GPALPP1: variants seen among roughly 807,000 people sequenced by gnomAD.
The protein encoded by GPALPP1 is GPALPP motifs-containing protein 1.
GPALPP1 carries 30 observed loss-of-function variants against 38.9 expected under a neutral mutation model. That is an observed-to-expected ratio of 0.77 (90% CI 0.58 to 1.05). The LOEUF (loss-of-function observed/expected upper bound fraction) is 1.05. Ranked by LOEUF, GPALPP1 falls within the 50% of genes least tolerant of loss-of-function variation. The pLI is 0.00. For missense variants in GPALPP1, 384 were observed against 408.8 expected, an observed-to-expected ratio of 0.94 and a Z score of 0.52; for synonymous variants, 120 against 139.2, an observed-to-expected ratio of 0.86 and a Z score of 0.97.
intron 4 of GPALPP1, among the ~76,000 whole-genome samples, chr13:45,011,431 C>T (rs1295036134): frequency 6.6e-6 from 1 of 152,148 alleles, no homozygotes; most frequent in Non-Finnish European, 1.5e-5. Flanking sequence ...AATTGACTCA[C>T]AGTTTAGCAT....
At chr13:44,997,145 C>T (rs1873354168) in intron 1 of GPALPP1, among the ~76,000 whole-genome samples, 4 of 146,066 alleles carry the variant, frequency 2.7e-5, no homozygotes, top group Admixed American at 1.4e-4. Context: ...CCTTAAGTTT[C>T]ATCCATGTGG....
chr13:45,025,387 A>T (rs1208656387), intron 7 of GPALPP1, among the ~76,000 whole-genome samples: 1 of 152,132 alleles, frequency 6.6e-6, no homozygotes. Flanking sequence ...TTTTTTCCAC[A>T]TTGATCTTAT....
rs1428749937 is a variant in GPALPP1, at chr13:44,990,081, C to T, written c.88+339C>T. On this transcript the variant is annotated intron_variant, in intron 1 of 7. Coordinates refer to ENST00000379151, the MANE Select transcript of GPALPP1 (RefSeq NM_018559.5). ...TTCCCATGTTGCAAATGGGTACGCC[C>T]AAGCCCATGCCAGTGTCTAGATCAT... 1.4e-5 allele frequency: 7 copies of T among 505,072 alleles called. No individual in the cohort carries two copies. In the South Asian group the frequency reaches 1.7e-4, roughly 12 times the overall value. 31.3% of individuals were successfully genotyped at this position (505,072 alleles called of 1,614,324 possible). A position where few individuals can be genotyped will look rare whatever the true frequency, so the allele number is the denominator to read the frequency against.
chr13:45,016,769 C>T (rs2137994532), intron 6 of GPALPP1, among the ~76,000 whole-genome samples: 1 of 152,248 alleles, frequency 6.6e-6, no homozygotes, highest in East Asian at 1.9e-4. Context: ...CCTGCCTCAG[C>T]CTCCTGAGGA....
intron 7 of GPALPP1, among the ~76,000 whole-genome samples, chr13:45,021,373 G>A (rs1338201262): frequency 1.3e-5 from 2 of 152,176 alleles, no homozygotes; most frequent in Non-Finnish European, 2.9e-5. Context: ...GCCACTTGAA[G>A]TATTTATGAA....
At chr13:44,994,474 C>T (rs1376319656) in intron 1 of GPALPP1, among the ~76,000 whole-genome samples, 4 of 150,792 alleles carry the variant, frequency 2.7e-5, no homozygotes, top group South Asian at 2.1e-4. Flanking sequence ...CCCAGCTACT[C>T]GGGAGGCTGA....
In GPALPP1 at chr13:45,014,999, A is replaced by C. The variant is rs1398206507; in HGVS notation, c.456A>C (p.Ala152=). ...AGGATATTATTGGACCAATGCCTGC[A>C]AAAGGACCAGTTAACTATAATGTAA... The part of the protein sequence containing the change: ...EDEDIIGPMP[A]KGPVNYNVTT... The change falls in exon 5 of 8, where the codon GCA becomes GCC. Residue 152 remains alanine (A), a synonymous_variant. Transcript: ENST00000379151. The C allele has an allele frequency of 6.2e-7, 1 of 1,606,890 alleles. No homozygotes were observed. The highest frequency in any genetic ancestry group is 2.2e-5 in the East Asian group (1 of 44,746).
chr13:45,000,553 T>G (rs925006838), intron 1 of GPALPP1, among the ~76,000 whole-genome samples: 2 of 152,236 alleles, frequency 1.3e-5, no homozygotes, highest in Non-Finnish European at 2.9e-5. Flanking sequence ...AATTTTTTCT[T>G]GATACAAACC....
chr13:45,015,570 C>A lies in GPALPP1; in HGVS notation c.679C>A (p.Pro227Thr), dbSNP rs769545631. 4 of 1,560,950 alleles carry A rather than the reference C, an allele frequency of 2.6e-6. No individual in the cohort carries two copies. The South Asian group carries it at 4.9e-5, about 19-fold the overall frequency. The change falls in exon 6 of 8, where the codon CCA (proline) becomes ACA (threonine). Residue 227 changes from proline (P) to threonine (T), a missense_variant. Pro to Thr is a conservative substitution (Grantham distance 38). Transcript: ENST00000379151. ...AGATCGATCAATCTGGACAGATACTCCAGCTGATAGGGAAAGGAAAGCTAA... is the reference window on the plus strand; with the variant it reads ...AGATCGATCAATCTGGACAGATACTACAGCTGATAGGGAAAGGAAAGCTAA... The part of the protein sequence containing the change: ...SGDRSIWTDT[P>T]ADRERKAKET...
At chr13:45,024,190 TG>T (rs1202202295) in intron 7 of GPALPP1, among the ~76,000 whole-genome samples, 1 of 136,372 alleles carries the variant, frequency 7.3e-6, no homozygotes, top group South Asian at 2.4e-4. Flanking sequence ...TGTGTGTGTG[TG>T]TGTGTGTGTG....
At chr13:44,999,663 T>G in intron 1 of GPALPP1, among the ~76,000 whole-genome samples, 1 of 152,176 alleles carries the variant, frequency 6.6e-6, no homozygotes, top group East Asian at 1.9e-4. Flanking sequence ...CACAGCAACC[T>G]CCGCCTCCCG....
In GPALPP1 at chr13:45,029,046, G is replaced by A. The variant is rs928346004; in HGVS notation, c.*1043G>A. The A allele has an allele frequency of 1.3e-5, 2 of 152,024 alleles. No homozygotes were observed. Among genetic ancestry groups the A allele is most frequent in the African/African-American group, 4.8e-5 (2 of 41,416 alleles). The allele number at this position is 152,024 out of a possible 1,614,324, so 9.4% of individuals were successfully genotyped here. A position where few individuals can be genotyped will look rare whatever the true frequency, so the allele number is the denominator to read the frequency against. ...GCACTCTAGCCTAGGTGACAAGATC[G>A]AGAGACTCTGTCTCAAAAAAGAAAG... is the stretch of plus-strand genomic sequence containing the variant. On this transcript the variant is annotated 3_prime_UTR_variant, in exon 8 of 8. Coordinates refer to ENST00000379151, the MANE Select transcript of GPALPP1 (RefSeq NM_018559.5).
intron 1 of GPALPP1, 132 bp downstream of exon 1, chr13:44,989,874 CT>C: frequency 3.1e-6 from 2 of 644,514 alleles, no homozygotes; most frequent in Non-Finnish European, 5.4e-6. Flanking sequence ...CCCGAGAGAA[CT>C]TTTCTCTTCC....
At chr13:45,018,411 A>T (rs1057203303) in intron 6 of GPALPP1, among the ~76,000 whole-genome samples, 5 of 150,994 alleles carry the variant, frequency 3.3e-5, no homozygotes, top group African/African-American at 7.3e-5. Flanking sequence ...AAAAAAAAAA[A>T]GATTGCTCTT....
chr13:45,024,665 A>T (rs1369760397), intron 7 of GPALPP1, among the ~76,000 whole-genome samples: 1 of 150,306 alleles, frequency 6.7e-6, no homozygotes, highest in African/African-American at 2.4e-5. Flanking sequence ...ATAGTGGCTT[A>T]TGCCTGTAAT....
intron 1 of GPALPP1, among the ~76,000 whole-genome samples, chr13:45,000,736 T>G (rs901141693): frequency 3.3e-5 from 5 of 152,076 alleles, no homozygotes; most frequent in African/African-American, 1.2e-4. Flanking sequence ...AGGTTAGAGG[T>G]CACATATAGT....
chr13:45,032,812 G>A (rs1042571241), downstream of GPALPP1, among the ~76,000 whole-genome samples: 14 of 151,240 alleles, frequency 9.3e-5, no homozygotes, highest in Non-Finnish European at 1.8e-4. Context: ...AAGGCAGGCG[G>A]ATTGCCTGAG....
intron 1 of GPALPP1, chr13:45,002,262 C>T (rs1873744999): frequency 6.6e-6 from 1 of 152,210 alleles, no homozygotes; most frequent in African/African-American, 2.4e-5. Context: ...CTGGTATCCA[C>T]ACTAAGTTCA....
chr13:45,012,411 A>G (rs1874545110), intron 4 of GPALPP1, among the ~76,000 whole-genome samples: 1 of 152,178 alleles, frequency 6.6e-6, no homozygotes, highest in African/African-American at 2.4e-5. Flanking sequence ...AATGTGTTAA[A>G]ATGTAATGTG....
Sources: allele counts gnomAD v4.1 joint callset (sites outside exome capture counted in the v4.1 genomes callset), GRCh38; gene constraint gnomAD v4.1.1; transcripts MANE v1.5; gene names NCBI Gene and HGNC (gene_info 2026-07-23, HGNC 2026-07-21).